QTMAN: variants seen among roughly 807,000 people sequenced by gnomAD.
QTMAN encodes the protein queuosine-tRNA mannosyltransferase, also known as tRNA-queuosine alpha-mannosyltransferase.
At chr2:143,957,576 A>G in the QTMAN span, among the ~76,000 whole-genome samples, 1 of 152,124 alleles carries the variant, frequency 6.6e-6, no homozygotes, top group Non-Finnish European at 1.5e-5. Flanking sequence ...TGAAAAGCCA[A>G]CTGTCTGCTT....
chr2:144,317,561 C>T, the QTMAN span: 4 of 152,160 alleles, frequency 2.6e-5, no homozygotes, highest in African/African-American at 7.2e-5. Context: ...ATAAATATCA[C>T]GACTAAATGG....
chr2:143,955,982 G>T, the QTMAN span, among the ~76,000 whole-genome samples: 1 of 152,158 alleles, frequency 6.6e-6, no homozygotes, highest in Non-Finnish European at 1.5e-5. Context: ...TCTGCCCAGG[G>T]CTGTGGGGAG....
At chr2:144,165,266 A>C in the QTMAN span, among the ~76,000 whole-genome samples, 1 of 152,128 alleles carries the variant, frequency 6.6e-6, no homozygotes, top group Non-Finnish European at 1.5e-5. Flanking sequence ...GCTACTCAGG[A>C]GGCTGAGGCT....
the QTMAN span, among the ~76,000 whole-genome samples, chr2:144,012,294 C>A: frequency 1.3e-5 from 2 of 152,136 alleles, no homozygotes. Flanking sequence ...CACCACAGTC[C>A]CCATGTCCAA....
chr2:144,101,186 T>C, the QTMAN span, among the ~76,000 whole-genome samples: 1 of 152,080 alleles, frequency 6.6e-6, no homozygotes, highest in African/African-American at 2.4e-5. Context: ...CTTCTTTCTG[T>C]GAAAGGGTGC....
At chr2:144,125,451 AT>A in the QTMAN span, among the ~76,000 whole-genome samples, 1 of 151,736 alleles carries the variant, frequency 6.6e-6, no homozygotes, top group Non-Finnish European at 1.5e-5. Flanking sequence ...CCCCCTAGCA[AT>A]TTTTTCAAGT....
At chr2:144,007,536 C>G in the QTMAN span, 1 of 1,538,116 alleles carries the variant, frequency 6.5e-7, no homozygotes, top group African/African-American at 1.4e-5. Context: ...GGGCATGAAT[C>G]TGTTACAAAA....
chr2:143,982,514 C>A, the QTMAN span, among the ~76,000 whole-genome samples: 1 of 151,336 alleles, frequency 6.6e-6, no homozygotes, highest in African/African-American at 2.4e-5. Flanking sequence ...GGATTACAGG[C>A]ATGAGCCACC....
At chr2:143,967,052 T>C in the QTMAN span, among the ~76,000 whole-genome samples, 5 of 152,212 alleles carry the variant, frequency 3.3e-5, no homozygotes, top group African/African-American at 9.6e-5. Context: ...GAAAGAGAAA[T>C]GCTTGACTCA....
At chr2:144,096,616 C>T in the QTMAN span, among the ~76,000 whole-genome samples, 1 of 152,176 alleles carries the variant, frequency 6.6e-6, no homozygotes, top group South Asian at 2.1e-4. Flanking sequence ...TATCTAACAG[C>T]TGTTTTCATT....
the QTMAN span, among the ~76,000 whole-genome samples, chr2:144,103,262 T>C: frequency 2.0e-5 from 3 of 152,192 alleles, no homozygotes; most frequent in South Asian, 6.2e-4. Context: ...GATGGAGACG[T>C]GGGGAATACA....
chr2:144,108,490 T>A, the QTMAN span, among the ~76,000 whole-genome samples: 5 of 151,872 alleles, frequency 3.3e-5, no homozygotes, highest in Admixed American at 3.3e-4. Context: ...ATACAAAAAA[T>A]TAGCCAGAGT....
the QTMAN span, among the ~76,000 whole-genome samples, chr2:144,331,302 C>CTTA: frequency 2.8e-4 from 42 of 152,286 alleles, no homozygotes; most frequent in Admixed American, 1.0e-3. Flanking sequence ...TAAGGTTAAA[C>CTTA]ACGTTAATAG....
the QTMAN span, among the ~76,000 whole-genome samples, chr2:144,222,311 G>C: frequency 1.3e-5 from 2 of 150,394 alleles, no homozygotes; most frequent in Non-Finnish European, 1.5e-5. Context: ...CGCCTGCCTC[G>C]GCCTCCCAAA....
chr2:144,133,187 AAATT>A, the QTMAN span, among the ~76,000 whole-genome samples: 1 of 45,154 alleles, frequency 2.2e-5, no homozygotes, highest in African/African-American at 1.0e-4. Context: ...TATATAATAT[AAATT>A]TATATATATA....
chr2:143,987,540 C>T, the QTMAN span, among the ~76,000 whole-genome samples: 22 of 152,292 alleles, frequency 1.4e-4, no homozygotes, highest in South Asian at 4.1e-3. Flanking sequence ...TTATGTTGTA[C>T]TGCAATGACT....
chr2:144,184,040 T>C, the QTMAN span, among the ~76,000 whole-genome samples: 1 of 152,126 alleles, frequency 6.6e-6, no homozygotes, highest in Non-Finnish European at 1.5e-5. Context: ...AAGGAGACAT[T>C]TAAAGACCAG....
chr2:144,059,720 T>C, the QTMAN span, among the ~76,000 whole-genome samples: 141 of 152,240 alleles, frequency 9.3e-4, 1 homozygote, highest in African/African-American at 3.2e-3. Flanking sequence ...ATCCCCACCT[T>C]AACAGCTTTG....
At chr2:144,182,853 T>TTA in the QTMAN span, among the ~76,000 whole-genome samples, 4 of 47,304 alleles carry the variant, frequency 8.5e-5, no homozygotes, top group South Asian at 4.6e-4. Flanking sequence ...TATATATATT[T>TTA]TATATATAAT....
Sources: allele counts gnomAD v4.1 joint callset (sites outside exome capture counted in the v4.1 genomes callset), GRCh38; gene constraint gnomAD v4.1.1; transcripts MANE v1.5; gene names NCBI Gene and HGNC (gene_info 2026-07-23, HGNC 2026-07-21).